The following PLEKHA7 variants were observed in gnomAD, a reference collection of about 807,000 sequenced individuals.
The protein encoded by PLEKHA7 is pleckstrin homology domain containing A7.
A neutral mutation model predicts 170.0 loss-of-function variants in PLEKHA7; 104 were observed. That is an observed-to-expected ratio of 0.61 (90% CI 0.52 to 0.72). The LOEUF is 0.72. Ranked by LOEUF, PLEKHA7 falls within the 30% of genes least tolerant of loss-of-function variation. The probability of loss-of-function intolerance (pLI) is 0.00; values close to 1 mark genes in which losing one functional copy is unlikely to be tolerated. For missense variants in PLEKHA7, 1,615 were observed against 1,671.7 expected, an observed-to-expected ratio of 0.97 and a Z score of 0.59; for synonymous variants, 648 against 660.8, an observed-to-expected ratio of 0.98 and a Z score of 0.30.
At chr11:16,902,329 C>A (rs1009628895) in intron 3 of PLEKHA7, among the ~76,000 whole-genome samples, 2 of 152,162 alleles carry the variant, frequency 1.3e-5, no homozygotes, top group Non-Finnish European at 2.9e-5. Flanking sequence ...TGTAGGTGGA[C>A]ATGGTTTCAC....
chr11:16,821,451 T>A (rs530556300), intron 10 of PLEKHA7, among the ~76,000 whole-genome samples: 1 of 152,234 alleles, frequency 6.6e-6, no homozygotes, highest in South Asian at 2.1e-4. Context: ...ACAAACCATA[T>A]CCTAAAAAAG....
intron 9 of PLEKHA7, among the ~76,000 whole-genome samples, chr11:16,838,315 C>A (rs1392084682): frequency 6.6e-6 from 1 of 151,998 alleles, no homozygotes; most frequent in Non-Finnish European, 1.5e-5. Flanking sequence ...CAAGACCAGA[C>A]AGGGCAACAT....
chr11:16,831,918 C>T lies in PLEKHA7; in HGVS notation c.873-5328G>A, dbSNP rs1851147537. ...AATTTTTTGAAAGTCGCAATGTACC[C>T]AGCAAAACACTTACATTTCCCAATC... On this transcript the variant is annotated intron_variant, in intron 9 of 26. Transcript: ENST00000531066. Among the ~76,000 whole-genome samples the T allele has an allele frequency of 2.6e-5, 4 of 152,286 alleles. No homozygotes were observed. The South Asian group carries it at 8.3e-4, about 32-fold the overall frequency.
intron 26 of PLEKHA7, among the ~76,000 whole-genome samples, chr11:16,781,452 G>A (rs1849016332): frequency 6.6e-6 from 1 of 152,154 alleles, no homozygotes; most frequent in South Asian, 2.1e-4. Context: ...TATGGTGGGG[G>A]AGCCGCCCCT....
At chr11:16,916,047 T>C (rs1214848065) in intron 3 of PLEKHA7, among the ~76,000 whole-genome samples, 2 of 150,920 alleles carry the variant, frequency 1.3e-5, no homozygotes, top group East Asian at 1.9e-4. Context: ...TTTTTAATGA[T>C]TGCCATTCTA....
rs111579047 is a variant in PLEKHA7, at chr11:16,918,211, T to G, written c.222-47029A>C. On this transcript the variant is annotated intron_variant, in intron 3 of 26. Transcript: ENST00000531066. ...GCAGGATAAGGGTTCTGTCACTGAA[T>G]AGCATGAGTCAGATTTGATAAATAC... 4.4e-3 allele frequency among the ~76,000 whole-genome samples: 667 copies of G among 152,342 alleles called. 6 individuals are homozygous for G. Among genetic ancestry groups the G allele is most frequent in the African/African-American group, 0.015 (628 of 41,576 alleles).
chr11:16,855,773 G>A (rs879589371), intron 5 of PLEKHA7, 30 bp downstream of exon 5: 4 of 1,498,248 alleles, frequency 2.7e-6, no homozygotes, highest in African/African-American at 1.4e-5. Flanking sequence ...TAAAAGAAGG[G>A]AAGGAAGGAA....
intron 3 of PLEKHA7, among the ~76,000 whole-genome samples, chr11:16,911,973 T>A (rs1308884848): frequency 6.6e-6 from 1 of 152,088 alleles, no homozygotes; most frequent in Non-Finnish European, 1.5e-5. Flanking sequence ...ACAAGATACA[T>A]CTCTGGAGGC....
chr11:16,795,576 G>A (rs1848166392), intron 17 of PLEKHA7, among the ~76,000 whole-genome samples: 1 of 152,040 alleles, frequency 6.6e-6, no homozygotes, highest in Non-Finnish European at 1.5e-5. Flanking sequence ...AAACACTTGA[G>A]GCCAAGAGTT....
intron 3 of PLEKHA7, among the ~76,000 whole-genome samples, chr11:16,931,698 T>A (rs1859940813): frequency 1.3e-5 from 2 of 149,702 alleles, no homozygotes. Flanking sequence ...AAGACTGCAG[T>A]GAGCCGAGAT....
At position 16,977,002 on chromosome 11, in the gene PLEKHA7, C is replaced by A. The variant is rs75558890; in HGVS notation, c.221+36987G>T. On this transcript the variant is annotated intron_variant, in intron 3 of 26. Coordinates refer to ENST00000531066, the MANE Select transcript of PLEKHA7 (RefSeq NM_001329630.2). ...AGCTATCTGTTTCTTCCTACCACCA[C>A]ACTGTCCAAGTCAAGACCTGAGATC... 7.2e-3 allele frequency among the ~76,000 whole-genome samples: 1,099 copies of A among 152,324 alleles called. 4 individuals are homozygous for A. The highest frequency in any genetic ancestry group is 0.025 in the African/African-American group (1,021 of 41,568).
At chr11:16,893,302 C>A (rs575670757) in intron 3 of PLEKHA7, among the ~76,000 whole-genome samples, 4 of 152,306 alleles carry the variant, frequency 2.6e-5, no homozygotes, top group Admixed American at 2.0e-4. Context: ...CCTCTGTACC[C>A]TACTGTGGGC....
chr11:16,968,316 A>C (rs1242991152), intron 3 of PLEKHA7, among the ~76,000 whole-genome samples: 2 of 152,176 alleles, frequency 1.3e-5, no homozygotes, highest in Non-Finnish European at 2.9e-5. Context: ...CATGCACAGC[A>C]CACACGAGGC....
At position 16,795,553 on chromosome 11, in the gene PLEKHA7, A is replaced by G. The variant is rs560424090; in HGVS notation, c.2410-535T>C. 2.0e-5 allele frequency among the ~76,000 whole-genome samples: 3 copies of G among 152,232 alleles called. No homozygotes were observed. In the South Asian group the frequency reaches 6.2e-4, roughly 32 times the overall value. On this transcript the variant is annotated intron_variant, in intron 17 of 26. Coordinates refer to ENST00000531066, the MANE Select transcript of PLEKHA7 (RefSeq NM_001329630.2). ...TTGTCTGTTATCCCCGCACTTTGGG[A>G]GGCCAAGGAGGTAAACACTTGAGGC...
At chr11:16,885,082 T>A (rs1175837762) in intron 3 of PLEKHA7, among the ~76,000 whole-genome samples, 1 of 152,216 alleles carries the variant, frequency 6.6e-6, no homozygotes, top group Non-Finnish European at 1.5e-5. Context: ...AGCTCATGCC[T>A]GTAATCCCAA....
At chr11:16,941,119 G>A (rs575698307) in intron 3 of PLEKHA7, among the ~76,000 whole-genome samples, 8 of 152,324 alleles carry the variant, frequency 5.3e-5, no homozygotes, top group Admixed American at 5.2e-4. Context: ...TACTGGCTGG[G>A]TGAAGGAGGT....
intron 3 of PLEKHA7, among the ~76,000 whole-genome samples, chr11:16,954,557 A>G (rs990068741): frequency 1.3e-5 from 2 of 152,036 alleles, no homozygotes; most frequent in Non-Finnish European, 2.9e-5. Context: ...ACAAAAACTA[A>G]TAAGATAGGA....
chr11:16,886,985 A>G (rs1239477401), intron 3 of PLEKHA7, among the ~76,000 whole-genome samples: 1 of 152,208 alleles, frequency 6.6e-6, no homozygotes, highest in Non-Finnish European at 1.5e-5. Context: ...GATTCAGATT[A>G]GCAAATGATA....
At chr11:17,011,265 C>A (rs1199336225) in intron 3 of PLEKHA7, among the ~76,000 whole-genome samples, 1 of 152,168 alleles carries the variant, frequency 6.6e-6, no homozygotes, top group Non-Finnish European at 1.5e-5. Context: ...GAGATGCAGG[C>A]CATGGATCCC....
Sources: gnomAD v4.1 joint callset for allele counts (sites outside exome capture counted in the v4.1 genomes callset) on GRCh38, gnomAD v4.1.1 for gene constraint, MANE v1.5 for transcripts, NCBI Gene and HGNC (gene_info 2026-07-23, HGNC 2026-07-21) for gene names.